Variants in NOTCH2 observed in about 807,000 individuals in gnomAD.
NOTCH2 encodes the protein notch receptor 2.
A neutral mutation model predicts 235.8 loss-of-function variants in NOTCH2; 29 were observed. The observed-to-expected ratio is 0.12, with a 90% CI of 0.09 to 0.17. The LOEUF (loss-of-function observed/expected upper bound fraction) is 0.17. NOTCH2 is among the 10% of genes least tolerant of loss of function. The pLI, the probability that NOTCH2 is intolerant of heterozygous loss-of-function variation, is 1.00. For missense variants in NOTCH2, 2,285 were observed against 3,150.2 expected, an observed-to-expected ratio of 0.73 and a Z score of 6.57; for synonymous variants, 1,086 against 1,141.5, an observed-to-expected ratio of 0.95 and a Z score of 0.98.
intron 1 of NOTCH2, among the ~76,000 whole-genome samples, chr1:120,065,602 A>C (rs1324235871): frequency 6.6e-6 from 1 of 152,220 alleles, no homozygotes; most frequent in African/African-American, 2.4e-5. Flanking sequence ...GGAGGACGGA[A>C]ACAGTGGCTC....
intron 21 of NOTCH2, 57 bp from the exon 22 acceptor site, chr1:119,935,661 A>G: frequency 4.4e-6 from 7 of 1,581,086 alleles, no homozygotes; most frequent in Non-Finnish European, 5.2e-6. Context: ...GAAACAGACC[A>G]TGAGAGCTAG....
At chr1:119,984,220 G>A (rs146142014) in intron 5 of NOTCH2, among the ~76,000 whole-genome samples, 355 of 152,198 alleles carry the variant, frequency 2.3e-3, no homozygotes, top group African/African-American at 7.2e-3. Flanking sequence ...GAAATTTTCA[G>A]TCTATTAAAA....
chr1:119,983,474 T>C (rs1651895827), intron 5 of NOTCH2, among the ~76,000 whole-genome samples: 1 of 152,198 alleles, frequency 6.6e-6, no homozygotes, highest in Non-Finnish European at 1.5e-5. Context: ...TCAAAATCAG[T>C]TATTTGACAA....
rs782235897 is a variant in NOTCH2 at position 120,069,430 on chromosome 1, C to A, written c.-24G>T. ...ATCTTCTCGGTCGCCTCCTCCTCCG[C>A]CGCCGCCGCCGCCGCCTGGGCAGAT... On this transcript the variant is annotated 5_prime_UTR_variant, in exon 1 of 34. Coordinates refer to ENST00000256646, the MANE Select transcript of NOTCH2 (RefSeq NM_024408.4). 7.9e-6 allele frequency: 12 copies of A among 1,525,548 alleles called. No individual in the cohort carries two copies. The highest frequency in any genetic ancestry group is 1.1e-5 in the Non-Finnish European group (12 of 1,142,532). The allele number at this position is 1,525,548 out of a possible 1,614,324, so 94.5% of individuals were successfully genotyped here.
At chr1:120,051,277 A>ACG (rs1345343120) in intron 1 of NOTCH2, among the ~76,000 whole-genome samples, 19 of 102,226 alleles carry the variant, frequency 1.9e-4, no homozygotes, top group East Asian at 2.2e-4. Context: ...ACACACACGC[A>ACG]CACACACACA....
At chr1:120,063,202 C>T (rs1411001306) in intron 1 of NOTCH2, among the ~76,000 whole-genome samples, 1 of 152,032 alleles carries the variant, frequency 6.6e-6, no homozygotes, top group Non-Finnish European at 1.5e-5. Context: ...CTAGATTCCT[C>T]CTTTATTTTC....
intron 3 of NOTCH2, among the ~76,000 whole-genome samples, chr1:120,002,450 G>C (rs1441399209): frequency 1.3e-5 from 2 of 151,744 alleles, no homozygotes; most frequent in African/African-American, 2.4e-5. Flanking sequence ...AAGGTCAATG[G>C]GCAACTACAA....
rs1651726167 is a variant in NOTCH2, at chr1:119,979,441, A to G, written c.874+7519T>C. Among the ~76,000 whole-genome samples, 4 of 152,244 alleles carry G rather than the reference A, an allele frequency of 2.6e-5. No homozygotes were observed. In the South Asian group the frequency reaches 8.3e-4, roughly 31 times the overall value. ...CAAAGGAACAATGTCTAAGAATTTG[A>G]TGAGATTAATTCGTGACCCAAGAAT... On this transcript the variant is annotated intron_variant, in intron 5 of 33. Transcript: ENST00000256646.
intron 2 of NOTCH2, among the ~76,000 whole-genome samples, chr1:120,012,015 C>CAACAA (rs1653215486): frequency 1.4e-5 from 1 of 71,868 alleles, no homozygotes; most frequent in Admixed American, 1.6e-4. Flanking sequence ...GACTCCCTCT[C>CAACAA]AAAAAAAAAA....
chr1:119,941,372 G>A (rs997748073), intron 18 of NOTCH2, among the ~76,000 whole-genome samples, 154 bp downstream of exon 18: 1 of 152,056 alleles, frequency 6.6e-6, no homozygotes, highest in Non-Finnish European at 1.5e-5. Flanking sequence ...TGTTTATCAG[G>A]AACCAGTAAC....
chr1:119,977,507 G>C (rs1393077269), intron 5 of NOTCH2, among the ~76,000 whole-genome samples: 1 of 152,138 alleles, frequency 6.6e-6, no homozygotes, highest in African/African-American at 2.4e-5. Flanking sequence ...AGCCCTCTGC[G>C]GTAGAGCTCC....
chr1:119,949,247 G>T (rs1553197437), intron 15 of NOTCH2, 121 bp from the exon 16 acceptor site: 4 of 1,019,498 alleles, frequency 3.9e-6, no homozygotes, highest in Non-Finnish European at 6.1e-6. Flanking sequence ...TTTGAAAATG[G>T]AGAAGCCCAT....
At chr1:120,024,971 A>G (rs1386305288) in intron 2 of NOTCH2, among the ~76,000 whole-genome samples, 1 of 151,880 alleles carries the variant, frequency 6.6e-6, no homozygotes, top group Non-Finnish European at 1.5e-5. Context: ...GAAAAAGCAA[A>G]GCAAACTATA....
rs192886452 is a variant in NOTCH2 at position 119,965,444 on chromosome 1, G to T, written c.1681+9C>A. 199 of 1,603,706 alleles carry T rather than the reference G, an allele frequency of 1.2e-4. 1 individual carries two copies. In the East Asian group the frequency reaches 3.9e-3, roughly 32 times the overall value. The stretch of plus-strand genomic sequence containing the variant: ...CTACCAAGGAGATGAAAAGTGAGAA[G>T]AATCTTACCTGTGGCACACTGGCAT... On this transcript the variant is annotated intron_variant, in intron 10 of 33. Coordinates refer to ENST00000256646, the MANE Select transcript of NOTCH2 (RefSeq NM_024408.4).
chr1:119,925,342 C>T lies in NOTCH2; in HGVS notation c.4474G>A (p.Asp1492Asn). 1 of 1,614,086 alleles carries T rather than the reference C, an allele frequency of 6.2e-7. No individual in the cohort carries two copies. The highest frequency in any genetic ancestry group is 8.5e-7 in the Non-Finnish European group (1 of 1,180,038). The change falls in exon 25 of 34, where the codon GAC (aspartate) becomes AAC (asparagine). Residue 1492 changes from aspartate to asparagine, a missense_variant. Physicochemically the swap from Asp to Asn is conservative, Grantham distance 23 (BLOSUM62 1). Coordinates refer to ENST00000256646, the MANE Select transcript of NOTCH2 (RefSeq NM_024408.4). ...CTGTTCCCCTGGCATTCAAAGTTGT[C>T]AAACAGGCACTCGACCGTGTTGCAC... is the stretch of plus-strand genomic sequence containing the variant. Reference protein sequence around the residue: ...ELCNTVECLFDNFECQGNSKT... With the variant: ...ELCNTVECLFNNFECQGNSKT...
intron 15 of NOTCH2, among the ~76,000 whole-genome samples, chr1:119,949,968 T>C (rs1650406317): frequency 6.6e-6 from 1 of 152,074 alleles, no homozygotes; most frequent in Non-Finnish European, 1.5e-5. Context: ...ATATAACCAA[T>C]CACAAGAAGG....
chr1:119,939,466 C>T lies in NOTCH2; in HGVS notation c.3183+1089G>A, dbSNP rs2453059. On this transcript the variant is annotated intron_variant, in intron 19 of 33. Transcript: ENST00000256646. ...GTGCTAATCCTGTGTGAGAAATCCA[C>T]ATGGGTCTTGACCAAATCTATCTTT... Among the ~76,000 whole-genome samples the T allele has an allele frequency of 8.3e-3, 1,261 of 152,314 alleles. 16 individuals carry two copies. Among genetic ancestry groups the T allele is most frequent in the African/African-American group, 0.028 (1,166 of 41,566 alleles).
At chr1:119,922,828 G>T (rs781639149) in intron 26 of NOTCH2, 50 bp from the exon 27 acceptor site, 1 of 1,610,708 alleles carries the variant, frequency 6.2e-7, no homozygotes. Flanking sequence ...GGGTAAAACA[G>T]AAGAGTGCAG....
At chr1:119,941,376 C>T in intron 18 of NOTCH2, 150 bp downstream of exon 18, 1 of 696,664 alleles carries the variant, frequency 1.4e-6, no homozygotes, top group East Asian at 2.7e-5. Flanking sequence ...TATCAGGAAC[C>T]AGTAACCGGG....
Sources: gnomAD v4.1 joint callset for allele counts (sites outside exome capture counted in the v4.1 genomes callset) on GRCh38, gnomAD v4.1.1 for gene constraint, MANE v1.5 for transcripts, NCBI Gene and HGNC (gene_info 2026-07-23, HGNC 2026-07-21) for gene names.